The following THSD4 variants were observed in gnomAD, a reference collection of about 807,000 sequenced individuals.
THSD4 encodes the protein thrombospondin type-1 domain-containing protein 4.
Under a neutral mutation model 119.0 loss-of-function variants are expected in THSD4, and 69 were observed. The observed-to-expected ratio is 0.58, with a 90% CI of 0.48 to 0.71. The LOEUF is 0.71. THSD4 is among the 30% of genes least tolerant of loss of function. THSD4 has a pLI of 0.00. For missense variants in THSD4, 1,393 were observed against 1,391.1 expected, an observed-to-expected ratio of 1.00 and a Z score of -0.02; for synonymous variants, 524 against 540.4, an observed-to-expected ratio of 0.97 and a Z score of 0.42.
rs148468463 is a variant in THSD4, at chr15:71,410,721, G to A, written c.1016-966G>A. 5.4e-3 allele frequency among the ~76,000 whole-genome samples: 816 copies of A among 152,266 alleles called. 2 individuals carry two copies. Among genetic ancestry groups the A allele is most frequent in the Non-Finnish European group, 9.0e-3 (614 of 68,012 alleles). Reference sequence around the variant, plus strand: ...AAAGGCATACAGATGATATAACTGCGTAGATATTAAGTTTAAAAAGCAGAA... The same window carrying A: ...AAAGGCATACAGATGATATAACTGCATAGATATTAAGTTTAAAAAGCAGAA... On this transcript the variant is annotated intron_variant, in intron 6 of 17. Transcript: ENST00000261862.
chr15:71,782,263 T>TG lies in THSD4; in HGVS notation c.*4889_*4890insG, dbSNP rs2054010458. The TG allele has an allele frequency of 6.6e-6, 1 of 150,430 alleles. No individual in the cohort carries two copies. Among genetic ancestry groups the TG allele is most frequent in the Non-Finnish European group, 1.5e-5 (1 of 67,554 alleles). The allele number at this position is 150,430 out of a possible 1,614,324, so 9.3% of individuals were successfully genotyped here. A position where few individuals can be genotyped will look rare whatever the true frequency, so the allele number is the denominator to read the frequency against. On this transcript the variant is annotated 3_prime_UTR_variant, in exon 18 of 18. Coordinates refer to ENST00000261862, the MANE Select transcript of THSD4 (RefSeq NM_024817.3). ...CAGATAATGATGGAGGGGGGGGGTGTCCATCGTGCTGAGGGTGTGACCGCA... is the reference window on the plus strand; with the variant it reads ...CAGATAATGATGGAGGGGGGGGGTGTGCCATCGTGCTGAGGGTGTGACCGCA...
intron 7 of THSD4, among the ~76,000 whole-genome samples, chr15:71,432,202 A>G (rs764595387): frequency 6.6e-6 from 1 of 152,218 alleles, no homozygotes; most frequent in Non-Finnish European, 1.5e-5. Flanking sequence ...TGATTTTAAC[A>G]TACTGAGTAT....
rs144820675 is a variant in THSD4 at position 71,599,840 on chromosome 15, G to A, written c.1153-60690G>A. Among the ~76,000 whole-genome samples the A allele has an allele frequency of 3.3e-5, 5 of 152,286 alleles. No individual in the cohort carries two copies. The East Asian group carries it at 7.7e-4, about 24-fold the overall frequency. On this transcript the variant is annotated intron_variant, in intron 7 of 17. Transcript: ENST00000261862. ...ACTTTGAGCCGAAACACTGGGAGCCGCATAAAGCCCCAATGTCTTCCCCAC... is the reference window on the plus strand; with the variant it reads ...ACTTTGAGCCGAAACACTGGGAGCCACATAAAGCCCCAATGTCTTCCCCAC...
intron 14 of THSD4, among the ~76,000 whole-genome samples, chr15:71,748,804 A>C (rs1269826917): frequency 6.6e-6 from 1 of 152,198 alleles, no homozygotes; most frequent in African/African-American, 2.4e-5. Flanking sequence ...GCAAAACTTG[A>C]TTGAATTCTC....
intron 7 of THSD4, among the ~76,000 whole-genome samples, chr15:71,635,327 A>T (rs1306429876): frequency 6.6e-6 from 1 of 151,812 alleles, no homozygotes; most frequent in Non-Finnish European, 1.5e-5. Flanking sequence ...CAGAAATCAT[A>T]AACAATCTCT....
chr15:71,112,309 TG>T (rs763683725), upstream of THSD4: 28 of 1,352,308 alleles, frequency 2.1e-5, no homozygotes, highest in Non-Finnish European at 2.8e-5. Flanking sequence ...GACAAGAGAA[TG>T]AAGGGGGGTA....
intron 6 of THSD4, among the ~76,000 whole-genome samples, chr15:71,282,472 C>CTCACAGT (rs2044664785): frequency 3.5e-4 from 1 of 2,830 alleles, no homozygotes; most frequent in Non-Finnish European, 7.7e-3. Flanking sequence ...GAGGTTGATC[C>CTCACAGT]TGTAGCTGTC....
At chr15:71,746,791 T>C (rs1372915976) in intron 12 of THSD4, 47 bp from the exon 13 acceptor site, 1 of 1,597,696 alleles carries the variant, frequency 6.3e-7, no homozygotes, top group Admixed American at 1.7e-5. Context: ...TGACTTCCTG[T>C]TGACTGAAGG....
intron 7 of THSD4, among the ~76,000 whole-genome samples, chr15:71,466,177 G>C (rs2047496466): frequency 6.6e-6 from 1 of 151,756 alleles, no homozygotes; most frequent in African/African-American, 2.4e-5. Context: ...GTGAAACCCT[G>C]TCTCTACTAA....
At chr15:71,275,038 G>A (rs546132237) in intron 6 of THSD4, among the ~76,000 whole-genome samples, 3 of 152,164 alleles carry the variant, frequency 2.0e-5, no homozygotes, top group South Asian at 4.2e-4. Flanking sequence ...AGACTGCCTT[G>A]CTCAGTTGTC....
At chr15:71,451,023 C>G (rs12906363) in intron 7 of THSD4, among the ~76,000 whole-genome samples, 63,813 of 151,896 alleles carry the variant, frequency 0.42, 13,734 homozygotes, top group East Asian at 0.57. Flanking sequence ...ACTAAAAATG[C>G]AGAGATTGGC....
At chr15:71,488,450 A>G (rs2047857193) in intron 7 of THSD4, among the ~76,000 whole-genome samples, 1 of 152,218 alleles carries the variant, frequency 6.6e-6, no homozygotes, top group Non-Finnish European at 1.5e-5. Flanking sequence ...AGACGTTTCC[A>G]TTCTATCCTG....
intron 7 of THSD4, among the ~76,000 whole-genome samples, chr15:71,528,025 C>G (rs1193353042): frequency 6.6e-6 from 1 of 152,102 alleles, no homozygotes; most frequent in Non-Finnish European, 1.5e-5. Context: ...AATTTAAACT[C>G]TTCATGTCTT....
chr15:71,226,033 T>G (rs2044015905), intron 4 of THSD4, among the ~76,000 whole-genome samples: 1 of 152,068 alleles, frequency 6.6e-6, no homozygotes, highest in Non-Finnish European at 1.5e-5. Flanking sequence ...GGATCACTAT[T>G]TCGTGCCTTG....
At chr15:71,753,436 C>T (rs890995687) in intron 14 of THSD4, among the ~76,000 whole-genome samples, 2 of 152,190 alleles carry the variant, frequency 1.3e-5, no homozygotes, top group Admixed American at 1.3e-4. Flanking sequence ...AGAAATGATG[C>T]ATAAAGCTGA....
chr15:71,495,093 G>A (rs1379140642), intron 7 of THSD4, among the ~76,000 whole-genome samples: 1 of 152,210 alleles, frequency 6.6e-6, no homozygotes, highest in East Asian at 1.9e-4. Context: ...AGAAAGCGGG[G>A]AGAAGAGATG....
Position 71,115,724 on chromosome 15 carries a change from C to T in THSD4, c.-80+26C>T, listed in dbSNP as rs964394838. On this transcript the variant is annotated intron_variant, in intron 1 of 17. Transcript: ENST00000261862. This position sits in a 1 kb window ranked among gnomAD's most constrained non-coding sequence, Gnocchi z 4.4. ...GTGAGCAGAGCCGCGCGCCCCGCGT[C>T]CCCTGCGCGCCGCCCGCGCGGCCCC... The T allele has an allele frequency of 6.8e-6, 1 of 147,368 alleles. No homozygotes were observed. The highest frequency in any genetic ancestry group is 2.4e-5 in the African/African-American group (1 of 40,892). 9.1% of individuals were successfully genotyped at this position (147,368 alleles called of 1,614,324 possible). A position where few individuals can be genotyped will look rare whatever the true frequency, so the allele number is the denominator to read the frequency against.
intron 2 of THSD4, among the ~76,000 whole-genome samples, chr15:71,143,705 T>TC (rs1220653283): frequency 7.1e-6 from 1 of 140,480 alleles, no homozygotes; most frequent in African/African-American, 3.0e-5. Context: ...TCTTTCTTTT[T>TC]TTTTTTTTTT....
At chr15:71,313,696 G>A (rs529168463) in intron 6 of THSD4, among the ~76,000 whole-genome samples, 2 of 152,296 alleles carry the variant, frequency 1.3e-5, no homozygotes, top group South Asian at 4.1e-4. Context: ...CTTAGGAGAA[G>A]CATGTCATTT....
Sources: allele counts gnomAD v4.1 joint callset (sites outside exome capture counted in the v4.1 genomes callset), GRCh38; gene constraint gnomAD v4.1.1; non-coding constraint Gnocchi (gnomAD v3.1); transcripts MANE v1.5; gene names NCBI Gene and HGNC (gene_info 2026-07-23, HGNC 2026-07-21).